PPP1R2: variants seen among roughly 807,000 people sequenced by gnomAD.
PPP1R2 encodes protein phosphatase inhibitor 2.
In PPP1R2, 16 loss-of-function variants were observed where a neutral mutation model predicts 29.9. That is an observed-to-expected ratio of 0.53 (90% CI 0.36 to 0.81). The LOEUF is 0.81. PPP1R2 is among the 30% of genes least tolerant of loss of function. PPP1R2 has a pLI of 0.00. For missense variants in PPP1R2, 197 were observed against 252.7 expected (o/e 0.78, Z 1.49); for synonymous variants, 76 against 91.5 (o/e 0.83, Z 0.96).
intron 1 of PPP1R2, among the ~76,000 whole-genome samples, chr3:195,531,105 G>T (rs1719164618): frequency 1.3e-5 from 2 of 152,228 alleles, no homozygotes; most frequent in Non-Finnish European, 2.9e-5. Context: ...TTCCAGGAGT[G>T]AGCCACCGTG....
rs1236099305 is a variant in PPP1R2, at chr3:195,542,933, C to A, written c.93G>T (p.Gln31His). 20 of 1,603,054 alleles carry A rather than the reference C, an allele frequency of 1.2e-5. No individual in the cohort carries two copies. Among genetic ancestry groups the A allele is most frequent in the Non-Finnish European group, 1.6e-5 (19 of 1,174,772 alleles). ...TTSSMVASAE[Q>H]PRGNVDEELS... ...GCTCCTCGTCGACATTCCCGCGGGGCTGTTCGGCCGACGCCACCATAGAGG... is the reference window on the plus strand; with the variant it reads ...GCTCCTCGTCGACATTCCCGCGGGGATGTTCGGCCGACGCCACCATAGAGG... The change falls in exon 1 of 6, where the codon CAG becomes CAT. Residue 31 changes from glutamine to histidine, a missense_variant. This residue lies in a region of PPP1R2 where 54 missense variants were observed against 60.6 expected (regional missense o/e 0.89). Coordinates refer to ENST00000618156, the MANE Select transcript of PPP1R2 (RefSeq NM_006241.8).
chr3:195,532,740 C>T (rs904739400), intron 1 of PPP1R2, among the ~76,000 whole-genome samples: 1 of 151,716 alleles, frequency 6.6e-6, no homozygotes, highest in South Asian at 2.1e-4. Context: ...TTTTTGGAGG[C>T]TTGTGACAAT....
intron 4 of PPP1R2, among the ~76,000 whole-genome samples, chr3:195,521,491 T>C (rs1390960086): frequency 6.6e-6 from 1 of 152,060 alleles, no homozygotes; most frequent in Non-Finnish European, 1.5e-5. Flanking sequence ...ATTTCCTTCA[T>C]GTTTTCAATG....
At chr3:195,517,868 G>A (rs913470316) in intron 5 of PPP1R2, among the ~76,000 whole-genome samples, 2 of 152,176 alleles carry the variant, frequency 1.3e-5, no homozygotes, top group Non-Finnish European at 2.9e-5. Context: ...CTAAAAGGTT[G>A]AAGCATATTA....
Position 195,516,791 on chromosome 3 carries a change from A to G in PPP1R2, c.*105T>C. 1 of 890,706 alleles carries G rather than the reference A, an allele frequency of 1.1e-6. No homozygotes were observed. Among genetic ancestry groups the G allele is most frequent in the African/African-American group, 1.7e-5 (1 of 60,280 alleles). 55.2% of individuals were successfully genotyped at this position (890,706 alleles called of 1,614,324 possible). The stretch of plus-strand genomic sequence containing the variant: ...TTCTTGGCAATATATAATAACTGGT[A>G]TGCATTTTGGTACTTAAGTCATGAA... On this transcript the variant is annotated 3_prime_UTR_variant, in exon 6 of 6. Transcript: ENST00000618156.
intron 2 of PPP1R2, among the ~76,000 whole-genome samples, chr3:195,527,429 GAC>G (rs889472052): frequency 6.6e-6 from 1 of 151,774 alleles, no homozygotes; most frequent in Non-Finnish European, 1.5e-5. Context: ...CAGCCCGGGT[GAC>G]AGAGTGAGAC....
At chr3:195,527,383 G>T (rs1393936882) in intron 2 of PPP1R2, among the ~76,000 whole-genome samples, 1 of 151,998 alleles carries the variant, frequency 6.6e-6, no homozygotes, top group Non-Finnish European at 1.5e-5. Flanking sequence ...CTGAGACATG[G>T]AGCTTGCAGT....
chr3:195,531,383 G>A (rs143163372), intron 1 of PPP1R2, among the ~76,000 whole-genome samples: 129 of 152,254 alleles, frequency 8.5e-4, no homozygotes, highest in African/African-American at 3.1e-3. Flanking sequence ...GGTCTAAATT[G>A]TTAAGGTTTT....
intron 2 of PPP1R2, chr3:195,528,867 C>CTTTT: frequency 7.5e-6 from 1 of 134,146 alleles, no homozygotes; most frequent in South Asian, 2.4e-4. Flanking sequence ...AAGGTATTAT[C>CTTTT]TTTTTTTTTT....
At chr3:195,532,178 G>A (rs1330893221) in intron 1 of PPP1R2, among the ~76,000 whole-genome samples, 42 of 149,834 alleles carry the variant, frequency 2.8e-4, no homozygotes, top group East Asian at 2.0e-4. Context: ...CCACAGGTAC[G>A]CACCACCATG....
rs1459438436 is a variant in PPP1R2 at position 195,516,566 on chromosome 3, TC to T, written c.*329del. On this transcript the variant is annotated 3_prime_UTR_variant, in exon 6 of 6. Coordinates refer to ENST00000618156, the MANE Select transcript of PPP1R2 (RefSeq NM_006241.8). ...TTTCAAGTGATGAAAATAAATTAGT[TC>T]CCCCCCAAAGATATTGTTTAACTTC... 4.4e-6 allele frequency: 1 copy of T among 228,742 alleles called. No individual in the cohort carries two copies. Among genetic ancestry groups the T allele is most frequent in the Non-Finnish European group, 8.5e-6 (1 of 117,220 alleles). 14.2% of individuals were successfully genotyped at this position (228,742 alleles called of 1,614,324 possible).
Position 195,519,252 on chromosome 3 carries a change from A to G in PPP1R2, c.404-67T>C, listed in dbSNP as rs1718666771. ...GGATTGGCCCATGCCTGTTTTATAAATAAAATTTTATTGAAACAGTGATGC... is the reference window on the plus strand; with the variant it reads ...GGATTGGCCCATGCCTGTTTTATAAGTAAAATTTTATTGAAACAGTGATGC... On this transcript the variant is annotated intron_variant, in intron 4 of 5. Coordinates refer to ENST00000618156, the MANE Select transcript of PPP1R2 (RefSeq NM_006241.8). 2.6e-6 allele frequency: 3 copies of G among 1,175,318 alleles called. No homozygotes were observed. The South Asian group carries it at 4.5e-5, about 18-fold the overall frequency. The allele number at this position is 1,175,318 out of a possible 1,614,324, so 72.8% of individuals were successfully genotyped here.
rs564845335 is a variant in PPP1R2 at position 195,515,082 on chromosome 3, T to C, written c.*1814A>G. 2.7e-5 allele frequency: 8 copies of C among 293,928 alleles called. No homozygotes were observed. Among genetic ancestry groups the C allele is most frequent in the Admixed American group, 2.7e-4 (6 of 22,320 alleles). 18.2% of individuals were successfully genotyped at this position (293,928 alleles called of 1,614,324 possible). ...AAGAAAACCAAAATCAGAGGGTGCATGAATATATGTGCACGCACATGTACA... is the reference window on the plus strand; with the variant it reads ...AAGAAAACCAAAATCAGAGGGTGCACGAATATATGTGCACGCACATGTACA... On this transcript the variant is annotated 3_prime_UTR_variant, in exon 6 of 6. Coordinates refer to ENST00000618156, the MANE Select transcript of PPP1R2 (RefSeq NM_006241.8).
chr3:195,539,687 TAAAC>T (rs1428628566), intron 1 of PPP1R2, among the ~76,000 whole-genome samples: 3 of 151,474 alleles, frequency 2.0e-5, no homozygotes, highest in Non-Finnish European at 4.4e-5. Flanking sequence ...GTCTCAAAAA[TAAAC>T]AAAAAAAGAC....
chr3:195,542,936 T>C lies in PPP1R2; in HGVS notation c.90A>G (p.Glu30=), dbSNP rs767110066. ...STTSSMVASA[E]QPRGNVDEEL... ...CCTCGTCGACATTCCCGCGGGGCTGTTCGGCCGACGCCACCATAGAGGAAG... is the reference window on the plus strand; with the variant it reads ...CCTCGTCGACATTCCCGCGGGGCTGCTCGGCCGACGCCACCATAGAGGAAG... The change falls in exon 1 of 6, where the codon GAA becomes GAG. Residue 30 remains glutamate, a synonymous_variant. Coordinates refer to ENST00000618156, the MANE Select transcript of PPP1R2 (RefSeq NM_006241.8). 2 of 1,603,060 alleles carry C rather than the reference T, an allele frequency of 1.2e-6. No individual in the cohort carries two copies. Among genetic ancestry groups the C allele is most frequent in the Non-Finnish European group, 1.7e-6 (2 of 1,174,796 alleles).
rs1333221726 is a variant in PPP1R2 at position 195,543,299 on chromosome 3, A to C, written c.-274T>G. 1 of 295,100 alleles carries C rather than the reference A, an allele frequency of 3.4e-6. No homozygotes were observed. The highest frequency in any genetic ancestry group is 2.2e-5 in the African/African-American group (1 of 45,544). The allele number at this position is 295,100 out of a possible 1,614,324, so 18.3% of individuals were successfully genotyped here. Reference sequence around the variant, plus strand: ...CGGAGAGACGCCGGCCTAGAGCTCCAGCGCAGGAGCGACGCGACGCCGAAG... The same window carrying C: ...CGGAGAGACGCCGGCCTAGAGCTCCCGCGCAGGAGCGACGCGACGCCGAAG... On this transcript the variant is annotated 5_prime_UTR_variant, in exon 1 of 6. Coordinates refer to ENST00000618156, the MANE Select transcript of PPP1R2 (RefSeq NM_006241.8).
chr3:195,537,055 A>T (rs1197443551), intron 1 of PPP1R2, among the ~76,000 whole-genome samples: 1 of 152,022 alleles, frequency 6.6e-6, no homozygotes, highest in African/African-American at 2.4e-5. Flanking sequence ...TTTTGATTTC[A>T]GCATATTCTT....
At chr3:195,541,315 C>A (rs73890862) in intron 1 of PPP1R2, among the ~76,000 whole-genome samples, 2 of 152,066 alleles carry the variant, frequency 1.3e-5, no homozygotes, top group Non-Finnish European at 2.9e-5. Context: ...GTAAATGGAC[C>A]AAAAGAAACT....
At chr3:195,535,123 G>A (rs1356809385) in intron 1 of PPP1R2, among the ~76,000 whole-genome samples, 1 of 152,134 alleles carries the variant, frequency 6.6e-6, no homozygotes, top group African/African-American at 2.4e-5. Flanking sequence ...GGTCGGGTGG[G>A]AAGGTTTCAG....
Sources: gnomAD v4.1 joint callset for allele counts (sites outside exome capture counted in the v4.1 genomes callset) on GRCh38, gnomAD v4.1.1 for gene constraint, gnomAD v4.1.1 regional missense constraint, MANE v1.5 for transcripts, NCBI Gene and HGNC (gene_info 2026-07-23, HGNC 2026-07-21) for gene names.